The following PHKB variants were observed in gnomAD, a reference collection of about 807,000 sequenced individuals.
The protein encoded by PHKB is phosphorylase kinase regulatory subunit beta.
In PHKB, 122 loss-of-function variants were observed where a neutral mutation model predicts 152.1. The ratio of observed to expected loss-of-function variants is 0.80; its 90% CI spans 0.69 to 0.93. The LOEUF is 0.93. PHKB is among the 40% of genes least tolerant of loss of function. The pLI, the probability that PHKB is intolerant of heterozygous loss-of-function variation, is 0.00. For missense variants in PHKB, 1,304 were observed against 1,328.4 expected (o/e 0.98, Z 0.29); for synonymous variants, 436 against 464.9 (o/e 0.94, Z 0.80).
chr16:47,686,784 A>G (rs1973972867), intron 26 of PHKB, among the ~76,000 whole-genome samples: 1 of 152,216 alleles, frequency 6.6e-6, no homozygotes, highest in Non-Finnish European at 1.5e-5. Flanking sequence ...AGCAAATCCC[A>G]GACATTTAAC....
intron 25 of PHKB, among the ~76,000 whole-genome samples, chr16:47,666,614 T>C (rs572077001): frequency 6.6e-6 from 1 of 152,374 alleles, no homozygotes; most frequent in African/African-American, 2.4e-5. Flanking sequence ...ATTCCCACAA[T>C]CTGTCCTGGG....
intron 26 of PHKB, among the ~76,000 whole-genome samples, chr16:47,672,929 C>T (rs1218149198): frequency 6.6e-6 from 1 of 152,062 alleles, no homozygotes; most frequent in African/African-American, 2.4e-5. Context: ...ATTTAACAGT[C>T]AACTGACTCA....
At chr16:47,687,488 G>A (rs919327254) in intron 26 of PHKB, among the ~76,000 whole-genome samples, 2 of 152,176 alleles carry the variant, frequency 1.3e-5, no homozygotes, top group African/African-American at 4.8e-5. Flanking sequence ...TGACTGACAG[G>A]AGAAATATAA....
intron 7 of PHKB, among the ~76,000 whole-genome samples, chr16:47,568,509 T>C (rs1265464580): frequency 6.6e-6 from 1 of 152,210 alleles, no homozygotes; most frequent in African/African-American, 2.4e-5. Context: ...TTGTATTGTC[T>C]TTTGGTTTCA....
chr16:47,566,170 T>G (rs1332890107), intron 7 of PHKB: 1 of 676,160 alleles, frequency 1.5e-6, no homozygotes, highest in Admixed American at 2.2e-5. Context: ...TCCATATCCC[T>G]GCATGGGCCA....
At chr16:47,637,888 G>A (rs1404276957) in intron 14 of PHKB, among the ~76,000 whole-genome samples, 1 of 152,166 alleles carries the variant, frequency 6.6e-6, no homozygotes, top group African/African-American at 2.4e-5. Context: ...GGTAGATTGA[G>A]TGTCTGGTGT....
chr16:47,497,233 C>T (rs556144634), intron 1 of PHKB, among the ~76,000 whole-genome samples, 166 bp from the exon 2 acceptor site: 16 of 152,126 alleles, frequency 1.1e-4, no homozygotes, highest in African/African-American at 3.9e-4. Flanking sequence ...TACTTTATTC[C>T]CCCTCTTGTT....
chr16:47,547,382 C>T (rs769665859), intron 6 of PHKB, 51 bp from the exon 7 acceptor site: 2 of 1,137,850 alleles, frequency 1.8e-6, no homozygotes, highest in Non-Finnish European at 2.7e-6. Context: ...CACACCCGGC[C>T]TATGTCCTGT....
intron 1 of PHKB, among the ~76,000 whole-genome samples, chr16:47,496,734 A>G (rs1970239037): frequency 6.6e-6 from 1 of 152,214 alleles, no homozygotes; most frequent in South Asian, 2.1e-4. Context: ...TTTGTGGCAA[A>G]TTATCATGAT....
intron 1 of PHKB, among the ~76,000 whole-genome samples, chr16:47,488,388 T>C (rs1257853576): frequency 2.0e-5 from 3 of 152,192 alleles, no homozygotes; most frequent in Non-Finnish European, 4.4e-5. Context: ...ATTCTCTAGA[T>C]TGTCTGTTTG....
intron 1 of PHKB, 108 bp downstream of exon 1, chr16:47,461,534 C>A: frequency 9.1e-7 from 1 of 1,104,114 alleles, no homozygotes; most frequent in Non-Finnish European, 1.4e-6. Flanking sequence ...ACCTGTGCCC[C>A]GAGTTCCTCC....
At chr16:47,540,640 T>G (rs1167221531) in intron 6 of PHKB, among the ~76,000 whole-genome samples, 1 of 151,970 alleles carries the variant, frequency 6.6e-6, no homozygotes, top group Non-Finnish European at 1.5e-5. Flanking sequence ...TTAGGGAAAA[T>G]AAAAGAACCT....
intron 6 of PHKB, among the ~76,000 whole-genome samples, chr16:47,535,644 G>C (rs1174086067): frequency 6.6e-6 from 1 of 152,140 alleles, no homozygotes; most frequent in Non-Finnish European, 1.5e-5. Flanking sequence ...TCTCTAACTT[G>C]TTTCTTAGCA....
At chr16:47,546,858 G>A (rs548336829) in intron 6 of PHKB, among the ~76,000 whole-genome samples, 15 of 152,204 alleles carry the variant, frequency 9.9e-5, no homozygotes, top group Middle Eastern at 3.4e-3. Context: ...GTTCGATCTC[G>A]GACTGCCGTT....
chr16:47,545,030 G>T (rs1014927698), intron 6 of PHKB, among the ~76,000 whole-genome samples: 1 of 152,112 alleles, frequency 6.6e-6, no homozygotes, highest in Non-Finnish European at 1.5e-5. Flanking sequence ...ATACTGATGA[G>T]TCTTGACTCT....
intron 26 of PHKB, among the ~76,000 whole-genome samples, chr16:47,677,918 C>A (rs189995446): frequency 7.8e-6 from 1 of 127,840 alleles, no homozygotes; most frequent in Non-Finnish European, 1.6e-5. Context: ...ATCCCTCCCC[C>A]CTCCCCCGAC....
intron 25 of PHKB, chr16:47,665,633 C>A (rs1013114178): frequency 4.6e-6 from 2 of 430,172 alleles, no homozygotes; most frequent in South Asian, 2.1e-5. Flanking sequence ...CTCCTATACA[C>A]CCTCCCTCCC....
chr16:47,581,799 A>G (rs562748007), intron 8 of PHKB, among the ~76,000 whole-genome samples: 5 of 151,714 alleles, frequency 3.3e-5, no homozygotes, highest in Non-Finnish European at 7.4e-5. Context: ...TCTGCCTCGG[A>G]CCCCCGAGTA....
chr16:47,670,990 C>T (rs1202123532), intron 26 of PHKB, among the ~76,000 whole-genome samples: 1 of 152,126 alleles, frequency 6.6e-6, no homozygotes, highest in Non-Finnish European at 1.5e-5. Flanking sequence ...CGTCTTACTT[C>T]ACCCATACCC....
Sources: gnomAD v4.1 joint callset for allele counts (sites outside exome capture counted in the v4.1 genomes callset) on GRCh38, gnomAD v4.1.1 for gene constraint, MANE v1.5 for transcripts, NCBI Gene and HGNC (gene_info 2026-07-23, HGNC 2026-07-21) for gene names.